Variants in PRDM2 observed in about 807,000 individuals in gnomAD.
PRDM2 encodes the protein PR/SET domain 2.
In PRDM2, 30 loss-of-function variants were observed where a neutral mutation model predicts 130.0. That is an observed-to-expected ratio of 0.23 (90% CI 0.17 to 0.31). PRDM2 has a LOEUF of 0.31. PRDM2 is among the 10% of genes least tolerant of loss of function. The pLI is 1.00. For missense variants in PRDM2, 2,011 were observed against 2,108.4 expected (o/e 0.95, Z 0.90); for synonymous variants, 871 against 782.4 (o/e 1.11, Z -1.89).
At chr1:13,756,398 G>T (rs1643954580) in intron 6 of PRDM2, among the ~76,000 whole-genome samples, 1 of 152,192 alleles carries the variant, frequency 6.6e-6, no homozygotes. Flanking sequence ...GACTGGCATG[G>T]TACTTTGTTG....
intron 6 of PRDM2, among the ~76,000 whole-genome samples, chr1:13,749,740 C>CCG (rs1284758446): frequency 6.6e-6 from 1 of 151,970 alleles, no homozygotes; most frequent in Non-Finnish European, 1.5e-5. Context: ...ATCACGGCCG[C>CCG]CGCGCGCTCG....
chr1:13,706,534 C>T (rs186528536), intron 1 of PRDM2, among the ~76,000 whole-genome samples: 18 of 152,272 alleles, frequency 1.2e-4, no homozygotes, highest in Admixed American at 3.3e-4. Context: ...ACTCCTCACA[C>T]GGTATCTGAG....
intron 4 of PRDM2, among the ~76,000 whole-genome samples, chr1:13,736,017 A>T (rs990374650): frequency 7.2e-5 from 11 of 152,312 alleles, no homozygotes; most frequent in African/African-American, 2.6e-4. Flanking sequence ...AATTGAGATC[A>T]AACAGCACAT....
intron 6 of PRDM2, among the ~76,000 whole-genome samples, chr1:13,755,977 C>T (rs1216284066): frequency 3.3e-5 from 5 of 151,200 alleles, no homozygotes; most frequent in Non-Finnish European, 5.9e-5. Flanking sequence ...GGAGGCTGGG[C>T]GCAATGGCTC....
rs964172633 is a variant in PRDM2 at position 13,803,723 on chromosome 1, C to T, written c.5037-12704C>T. ...GGGCTTTCCCCGCGGGCAGGTTCTC[C>T]GGGCCGAGGTCACTGCAGGCCAGGC... On this transcript the variant is annotated intron_variant, in intron 8 of 9. Coordinates refer to ENST00000311066, the MANE Select transcript of PRDM2 (RefSeq NM_001393986.1). This position sits in a 1 kb window ranked among gnomAD's most constrained non-coding sequence, Gnocchi z 6.2. Among the ~76,000 whole-genome samples, 2 of 152,200 alleles carry T rather than the reference C, an allele frequency of 1.3e-5. No individual in the cohort carries two copies. Among genetic ancestry groups the T allele is most frequent in the Non-Finnish European group, 2.9e-5 (2 of 68,044 alleles).
intron 8 of PRDM2, chr1:13,787,226 A>G (rs1339098487): frequency 1.0e-6 from 1 of 983,774 alleles, no homozygotes; most frequent in Non-Finnish European, 1.2e-6. Context: ...CTATTATATT[A>G]TCAGAGACTA....
chr1:13,705,737 A>G (rs1642188631), intron 1 of PRDM2: 1 of 152,304 alleles, frequency 6.6e-6, no homozygotes, highest in African/African-American at 2.4e-5. Flanking sequence ...TAATCCCAGC[A>G]CTTTGGGAGG....
rs368794773 is a variant in PRDM2, at chr1:13,782,112, T to C, written c.4317T>C (p.Ser1439=). ...AAGCAATTCTTCAGAAAAACAAATCTGCAAAGCAGAAGGCCGACTTGAAAA... is the reference window on the plus strand; with the variant it reads ...AAGCAATTCTTCAGAAAAACAAATCCGCAAAGCAGAAGGCCGACTTGAAAA... The part of the protein sequence containing the change: ...VQKAILQKNK[S]AKQKADLKNA... Residue 1439 remains serine (S), a synonymous_variant, in exon 8 of 10, where the codon TCT becomes TCC. Transcript: ENST00000311066. 43 of 1,613,810 alleles carry C rather than the reference T, an allele frequency of 2.7e-5. No individual in the cohort carries two copies. In the East Asian group the frequency reaches 3.1e-4, roughly 12 times the overall value.
chr1:13,701,975 A>C (rs1361842799), intron 1 of PRDM2, among the ~76,000 whole-genome samples: 1 of 152,220 alleles, frequency 6.6e-6, no homozygotes, highest in Non-Finnish European at 1.5e-5. Context: ...ATCTGTAAGA[A>C]TGTATTAATT....
chr1:13,779,697 T>G lies in PRDM2; in HGVS notation c.1902T>G (p.Ser634Arg). The G allele has an allele frequency of 1.2e-6, 2 of 1,613,968 alleles. No individual in the cohort carries two copies. The highest frequency in any genetic ancestry group is 1.7e-6 in the Non-Finnish European group (2 of 1,179,970). ...AAGAGCCTTTGGGCAGCACAAATAG[T>G]GAGGCCAAGAAGCGGAGAACTGCGA... ...LPKEPLGSTNSEAKKRRTASP... is the reference protein window; with the variant it reads ...LPKEPLGSTNREAKKRRTASP... The change falls in exon 8 of 10, where the codon AGT becomes AGG. Residue 634 changes from serine to arginine, a missense_variant. Ser to Arg is a moderately radical substitution (Grantham distance 110). Coordinates refer to ENST00000311066, the MANE Select transcript of PRDM2 (RefSeq NM_001393986.1). This position sits in a 1 kb window ranked among gnomAD's most constrained non-coding sequence, Gnocchi z 4.9.
chr1:13,709,316 C>G (rs895454856), intron 1 of PRDM2, among the ~76,000 whole-genome samples: 1 of 152,172 alleles, frequency 6.6e-6, no homozygotes, highest in African/African-American at 2.4e-5. Context: ...TCAACAGATT[C>G]TAATCGTGGA....
At chr1:13,736,638 G>A (rs1185099397) in intron 4 of PRDM2, among the ~76,000 whole-genome samples, 2 of 151,838 alleles carry the variant, frequency 1.3e-5, no homozygotes, top group Non-Finnish European at 2.9e-5. Context: ...TTGTCAAAAA[G>A]TTATATACAT....
At chr1:13,800,723 AT>A (rs1557668549) in intron 8 of PRDM2, among the ~76,000 whole-genome samples, 1 of 152,198 alleles carries the variant, frequency 6.6e-6, no homozygotes, top group Non-Finnish European at 1.5e-5. Context: ...TAATTAAGAA[AT>A]GCTTAAATGT....
At chr1:13,711,479 A>G (rs961698981) in intron 1 of PRDM2, among the ~76,000 whole-genome samples, 7 of 152,168 alleles carry the variant, frequency 4.6e-5, no homozygotes, top group African/African-American at 1.7e-4. Context: ...CGATTGTCAA[A>G]ATGATTGGAG....
chr1:13,782,268 T>C lies in PRDM2; in HGVS notation c.4473T>C (p.Ser1491=). ...TTTCTCCTCCCAAAAAAAAAGTTTC[T>C]CATTCATCTAAGAAAGGTGGACACT... ...KPLSPPKKKV[S]HSSKKGGHSS... is the part of the protein sequence containing the mutation. The change falls in exon 8 of 10, where the codon TCT becomes TCC. Residue 1491 remains serine (S), a synonymous_variant. Coordinates refer to ENST00000311066, the MANE Select transcript of PRDM2 (RefSeq NM_001393986.1). 6.2e-7 allele frequency: 1 copy of C among 1,613,514 alleles called. No individual in the cohort carries two copies. Among genetic ancestry groups the C allele is most frequent in the Non-Finnish European group, 8.5e-7 (1 of 1,179,922 alleles).
intron 8 of PRDM2, among the ~76,000 whole-genome samples, chr1:13,792,350 A>C (rs1644853519): frequency 6.6e-6 from 1 of 152,196 alleles, no homozygotes. Flanking sequence ...TTAATTTTTT[A>C]ACTTAAAAAC....
chr1:13,712,264 A>C (rs1158364908), intron 1 of PRDM2, among the ~76,000 whole-genome samples: 2 of 152,212 alleles, frequency 1.3e-5, no homozygotes, highest in African/African-American at 4.8e-5. Flanking sequence ...AGATAATCAA[A>C]TAATGCAATG....
chr1:13,782,305 A>G lies in PRDM2; in HGVS notation c.4510A>G (p.Ser1504Gly). The change falls in exon 8 of 10, where the codon AGT (serine) becomes GGT (glycine). Residue 1504 changes from serine (S) to glycine (G), a missense_variant. Coordinates refer to ENST00000311066, the MANE Select transcript of PRDM2 (RefSeq NM_001393986.1). ...SKKGGHSSPA[S>G]SDKNSNSNHR... ...GAAAGGTGGACACTCATCACCTGCA[A>G]GTAGTGACAAAAACAGTAACAGCAA... 6.2e-7 allele frequency: 1 copy of G among 1,614,110 alleles called. No individual in the cohort carries two copies. Among genetic ancestry groups the G allele is most frequent in the East Asian group, 2.2e-5 (1 of 44,878 alleles).
At chr1:13,813,058 A>G (rs548602070) in intron 8 of PRDM2, among the ~76,000 whole-genome samples, 5 of 152,298 alleles carry the variant, frequency 3.3e-5, no homozygotes, top group Non-Finnish European at 5.9e-5. Flanking sequence ...TGACTTCTCC[A>G]TATGAGTCCA....
Sources: gnomAD v4.1 joint callset for allele counts (sites outside exome capture counted in the v4.1 genomes callset) on GRCh38, gnomAD v4.1.1 for gene constraint, Gnocchi (gnomAD v3.1) non-coding constraint, MANE v1.5 for transcripts, NCBI Gene and HGNC (gene_info 2026-07-23, HGNC 2026-07-21) for gene names.